Variants in FSTL4 observed in about 807,000 individuals in gnomAD.
The protein encoded by FSTL4 is follistatin like 4, also known as follistatin-related protein 4.
A neutral mutation model predicts 78.2 loss-of-function variants in FSTL4; 28 were observed. The observed-to-expected ratio is 0.36, with a 90% confidence interval of 0.27 to 0.49. FSTL4 has a LOEUF of 0.49. Among genes scored for constraint, FSTL4 ranks in the 20% least tolerant of loss-of-function variants. The pLI is 0.98. For synonymous variants in FSTL4, 422 were observed against 440.5 expected (o/e 0.96, Z 0.53); for missense variants, 922 against 1,084.9 (o/e 0.85, Z 2.11).
At chr5:133,420,766 C>CACGG (rs1383468734) in intron 3 of FSTL4, among the ~76,000 whole-genome samples, 2 of 152,224 alleles carry the variant, frequency 1.3e-5, no homozygotes, top group South Asian at 4.1e-4. Flanking sequence ...AGGGCTGGCC[C>CACGG]ACGGGTGCAT....
chr5:133,841,841 G>A, the FSTL4 span, among the ~76,000 whole-genome samples: 1 of 152,044 alleles, frequency 6.6e-6, no homozygotes, highest in Non-Finnish European at 1.5e-5. Flanking sequence ...GGAGGTGGAA[G>A]GTGCAAAAAG....
chr5:133,615,868 G>C (rs1455194611), upstream of FSTL4, among the ~76,000 whole-genome samples: 1 of 152,204 alleles, frequency 6.6e-6, no homozygotes, highest in Non-Finnish European at 1.5e-5. Context: ...GTGGTATAGA[G>C]TAGGAATTTT....
intron 14 of FSTL4, among the ~76,000 whole-genome samples, chr5:133,204,850 AAAT>A (rs1750443058): frequency 6.6e-6 from 1 of 151,686 alleles, no homozygotes; most frequent in South Asian, 2.1e-4. Context: ...AAAAAAAAAA[AAAT>A]CTTTCAGGCT....
the FSTL4 span, among the ~76,000 whole-genome samples, chr5:133,748,907 G>A: frequency 6.6e-6 from 1 of 152,194 alleles, no homozygotes; most frequent in Non-Finnish European, 1.5e-5. Context: ...TCTCATAACA[G>A]TCAGGGCCAG....
intron 3 of FSTL4, among the ~76,000 whole-genome samples, chr5:133,416,818 C>A (rs1756588122): frequency 6.6e-6 from 1 of 152,182 alleles, no homozygotes; most frequent in East Asian, 1.9e-4. Context: ...AAGCACTGTT[C>A]TGAATTGAAG....
At chr5:133,824,290 A>G in the FSTL4 span, among the ~76,000 whole-genome samples, 1 of 152,188 alleles carries the variant, frequency 6.6e-6, no homozygotes. Flanking sequence ...GAGGGTTCCC[A>G]CAGCCCCCTC....
intron 3 of FSTL4, among the ~76,000 whole-genome samples, chr5:133,434,169 T>C (rs914738942): frequency 6.6e-6 from 1 of 152,036 alleles, no homozygotes; most frequent in African/African-American, 2.4e-5. Context: ...GACTAGGGCA[T>C]AGTAGTGGTG....
chr5:133,448,457 C>T (rs989945494), intron 3 of FSTL4, among the ~76,000 whole-genome samples: 5 of 152,186 alleles, frequency 3.3e-5, no homozygotes, highest in Non-Finnish European at 7.3e-5. Flanking sequence ...CCACCCTTGG[C>T]TTTTCAATGC....
chr5:133,630,163 A>G, the FSTL4 span, among the ~76,000 whole-genome samples: 1 of 152,384 alleles, frequency 6.6e-6, no homozygotes, highest in Admixed American at 6.5e-5. Flanking sequence ...CAGGCAAGAG[A>G]AAGAAATAAA....
At chr5:133,788,163 GTT>G in the FSTL4 span, among the ~76,000 whole-genome samples, 1 of 152,202 alleles carries the variant, frequency 6.6e-6, no homozygotes, top group Non-Finnish European at 1.5e-5. Context: ...GGTAAGAACT[GTT>G]TGCTGGAGAA....
intron 2 of FSTL4, among the ~76,000 whole-genome samples, chr5:133,577,470 G>C (rs112980832): frequency 0.028 from 4,236 of 152,240 alleles, 194 homozygotes; most frequent in African/African-American, 0.097. Context: ...AGTCAAAGGT[G>C]GGGGAGGCAC....
At chr5:133,813,361 A>G in the FSTL4 span, among the ~76,000 whole-genome samples, 1 of 152,250 alleles carries the variant, frequency 6.6e-6, no homozygotes, top group African/African-American at 2.4e-5. Flanking sequence ...TTTATTGAAT[A>G]TTTCACTTTT....
the FSTL4 span, among the ~76,000 whole-genome samples, chr5:133,827,283 G>A: frequency 1.3e-5 from 2 of 152,214 alleles, no homozygotes; most frequent in African/African-American, 4.8e-5. Flanking sequence ...ACACCTGGCT[G>A]CCTCTGACAG....
chr5:133,735,923 T>C, the FSTL4 span, among the ~76,000 whole-genome samples: 7 of 151,170 alleles, frequency 4.6e-5, no homozygotes, highest in East Asian at 1.4e-3. Context: ...CCACTACCCA[T>C]TTTCTGACTC....
the FSTL4 span, among the ~76,000 whole-genome samples, chr5:133,786,104 C>T: frequency 2.0e-5 from 3 of 152,198 alleles, no homozygotes; most frequent in African/African-American, 7.2e-5. Flanking sequence ...GACCCCTGTA[C>T]TCCCAGAGCC....
intron 14 of FSTL4, chr5:133,208,294 C>G (rs1294796108): frequency 6.6e-6 from 1 of 152,080 alleles, no homozygotes; most frequent in African/African-American, 2.4e-5. Flanking sequence ...GGAATAGAAC[C>G]CTTGGAGCGT....
At chr5:133,750,068 T>C in the FSTL4 span, among the ~76,000 whole-genome samples, 3 of 152,034 alleles carry the variant, frequency 2.0e-5, no homozygotes, top group African/African-American at 7.2e-5. Context: ...GACTAAAGGT[T>C]AATGGGAGGG....
At chr5:133,606,856 T>C (rs1172991110) in intron 1 of FSTL4, among the ~76,000 whole-genome samples, 3 of 152,248 alleles carry the variant, frequency 2.0e-5, no homozygotes, top group Non-Finnish European at 4.4e-5. Context: ...TTGGTACTAA[T>C]GGGTAGCATT....
the FSTL4 span, among the ~76,000 whole-genome samples, chr5:133,814,351 C>T: frequency 6.6e-6 from 1 of 152,168 alleles, no homozygotes; most frequent in Non-Finnish European, 1.5e-5. Context: ...ATAACAAGCA[C>T]GTTCCTGTCT....
Sources: gnomAD v4.1 joint callset for allele counts (sites outside exome capture counted in the v4.1 genomes callset) on GRCh38, gnomAD v4.1.1 for gene constraint, MANE v1.5 for transcripts, NCBI Gene and HGNC (gene_info 2026-07-23, HGNC 2026-07-21) for gene names.